SLC25A24: variants seen among roughly 807,000 people sequenced by gnomAD.
The protein encoded by SLC25A24 is solute carrier family 25 member 24.
In SLC25A24, 49 loss-of-function variants were observed where a neutral mutation model predicts 60.7. The ratio of observed to expected loss-of-function variants is 0.81; its 90% CI spans 0.64 to 1.02. The LOEUF (loss-of-function observed/expected upper bound fraction) is 1.02, where lower values mean the gene tolerates loss of function less well. Among genes scored for constraint, SLC25A24 ranks in the 50% least tolerant of loss-of-function variants. The pLI, the probability that SLC25A24 is intolerant of heterozygous loss-of-function variation, is 0.00. For synonymous variants in SLC25A24, 202 were observed against 200.6 expected (o/e 1.01, Z -0.06); for missense variants, 564 against 586.3 (o/e 0.96, Z 0.39).
rs757904663 is a variant in SLC25A24, at chr1:108,143,569, C to T, written c.1072G>A (p.Ala358Thr). The T allele has an allele frequency of 9.9e-6, 16 of 1,612,978 alleles. No individual in the cohort carries two copies. The highest frequency in any genetic ancestry group is 1.3e-5 in the Non-Finnish European group (15 of 1,179,624). ...TCATACACAGCAAGATCTATGCCTGCATAAGGTATGATACCTAATAAATTG... is the reference window on the plus strand; with the variant it reads ...TCATACACAGCAAGATCTATGCCTGTATAAGGTATGATACCTAATAAATTG... ...VPNLLGIIPYAGIDLAVYELL... is the reference protein window; with the variant it reads ...VPNLLGIIPYTGIDLAVYELL... Residue 358 changes from alanine to threonine, a missense_variant, in exon 8 of 10, where the codon GCA (alanine) becomes ACA (threonine). Transcript: ENST00000565488.
chr1:108,188,234 A>G (rs868713882), intron 1 of SLC25A24, among the ~76,000 whole-genome samples: 1 of 151,952 alleles, frequency 6.6e-6, no homozygotes, highest in Non-Finnish European at 1.5e-5. Flanking sequence ...AAGAACGGGG[A>G]GGGAATGGAC....
At chr1:108,165,558 T>G (rs1680225262) in intron 3 of SLC25A24, among the ~76,000 whole-genome samples, 1 of 152,214 alleles carries the variant, frequency 6.6e-6, no homozygotes, top group South Asian at 2.1e-4. Context: ...TGGCCTTCTT[T>G]GTCTCTTCTG....
intron 5 of SLC25A24, among the ~76,000 whole-genome samples, chr1:108,156,802 C>A (rs981602560): frequency 2.0e-5 from 3 of 152,110 alleles, no homozygotes. Context: ...GCATGAGAAC[C>A]AGGAGCACTG....
chr1:108,143,656 C>CAT lies in SLC25A24; in HGVS notation c.983_984dup (p.Asp329MetfsTer8). On this transcript the variant is annotated frameshift_variant, in exon 8 of 10. Transcript: ENST00000565488. LOFTEE classifies it high-confidence loss of function. Reference sequence around the variant, plus strand: ...TGTTTCAAAATCTTCTTGGCACAATCATATATTCCAGAGTACTGCCCAGTT... The same window carrying CAT: ...TGTTTCAAAATCTTCTTGGCACAATCATATATATTCCAGAGTACTGCCCAGTT... 6.2e-7 allele frequency: 1 copy of CAT among 1,613,836 alleles called. No individual in the cohort carries two copies. Among genetic ancestry groups the CAT allele is most frequent in the Non-Finnish European group, 8.5e-7 (1 of 1,179,806 alleles).
intron 7 of SLC25A24, among the ~76,000 whole-genome samples, chr1:108,144,988 T>C (rs566092335): frequency 6.6e-6 from 1 of 152,320 alleles, no homozygotes; most frequent in South Asian, 2.1e-4. Context: ...TGGTTCTAGA[T>C]CCTTGAGGAA....
chr1:108,193,196 A>T lies in SLC25A24; in HGVS notation c.183+6760T>A, dbSNP rs1017895688. On this transcript the variant is annotated intron_variant, in intron 1 of 9. Coordinates refer to ENST00000565488, the MANE Select transcript of SLC25A24 (RefSeq NM_013386.5). ...TGATTTTTTAAAATAAAATAATTTT[A>T]TTGTAGATTCAGGGGTTACACCATC... is the stretch of plus-strand genomic sequence containing the variant. Among the ~76,000 whole-genome samples the T allele has an allele frequency of 1.4e-5, 2 of 139,260 alleles. 1 individual carries two copies. The highest frequency in any genetic ancestry group is 5.5e-4 in the South Asian group (2 of 3,664). The allele number at this position is 139,260 out of a possible 152,430, so 91.4% of individuals were successfully genotyped here.
At chr1:108,169,224 T>C (rs1647357032) in intron 3 of SLC25A24, among the ~76,000 whole-genome samples, 1 of 152,206 alleles carries the variant, frequency 6.6e-6, no homozygotes, top group Admixed American at 6.5e-5. Flanking sequence ...ATAACAACCC[T>C]TGGTATCTGA....
In SLC25A24 at chr1:108,182,982, T is replaced by G. The variant is rs138609187; in HGVS notation, c.311-954A>C. 2.0e-5 allele frequency among the ~76,000 whole-genome samples: 3 copies of G among 151,900 alleles called. No homozygotes were observed. The South Asian group carries it at 6.2e-4, about 32-fold the overall frequency. Reference sequence around the variant, plus strand: ...ACAATCAGAAGACAGGAAGAGAAAATAGAAAATAAAATAGAAGCAATAAAT... The same window carrying G: ...ACAATCAGAAGACAGGAAGAGAAAAGAGAAAATAAAATAGAAGCAATAAAT... On this transcript the variant is annotated intron_variant, in intron 2 of 9. Coordinates refer to ENST00000565488, the MANE Select transcript of SLC25A24 (RefSeq NM_013386.5).
intron 5 of SLC25A24, among the ~76,000 whole-genome samples, chr1:108,155,635 T>C (rs1272844059): frequency 2.0e-5 from 3 of 152,078 alleles, no homozygotes; most frequent in Non-Finnish European, 4.4e-5. Context: ...GGGTCTGAAA[T>C]GGTTTGGATA....
chr1:108,187,922 T>TTATATATATATA (rs1470627510), intron 1 of SLC25A24, among the ~76,000 whole-genome samples: 1,255 of 51,032 alleles, frequency 0.025, 52 homozygotes, highest in African/African-American at 0.039. Flanking sequence ...GGATAAGACA[T>TTATATATATATA]TATAGATATA....
At chr1:108,168,692 G>A (rs185984329) in intron 3 of SLC25A24, among the ~76,000 whole-genome samples, 163 of 152,204 alleles carry the variant, frequency 1.1e-3, no homozygotes, top group Non-Finnish European at 1.8e-3. Flanking sequence ...TTTTCTAACC[G>A]GTTGTATGTC....
chr1:108,162,774 G>T (rs1038437577), intron 3 of SLC25A24, among the ~76,000 whole-genome samples: 149 of 151,774 alleles, frequency 9.8e-4, no homozygotes, highest in African/African-American at 3.4e-3. Flanking sequence ...AGTTTCTTTT[G>T]CTGTGCAGAA....
chr1:108,139,317 G>A, intron 8 of SLC25A24, 109 bp from the exon 9 acceptor site: 10 of 1,174,556 alleles, frequency 8.5e-6, no homozygotes, highest in Non-Finnish European at 1.2e-5. Context: ...GCAGGATGAG[G>A]CCACGCATTT....
At chr1:108,138,230 A>C (rs1327583790) in intron 9 of SLC25A24, among the ~76,000 whole-genome samples, 1 of 152,170 alleles carries the variant, frequency 6.6e-6, no homozygotes, top group Admixed American at 6.5e-5. Context: ...CTCTACCCCT[A>C]GCATCTGGCA....
At chr1:108,147,079 C>T (rs1273894814) in intron 7 of SLC25A24, among the ~76,000 whole-genome samples, 1 of 152,084 alleles carries the variant, frequency 6.6e-6, no homozygotes, top group Non-Finnish European at 1.5e-5. Flanking sequence ...TTAATTACTG[C>T]CTCAATTTCA....
chr1:108,152,300 C>T (rs1679777330), intron 6 of SLC25A24, among the ~76,000 whole-genome samples: 1 of 152,146 alleles, frequency 6.6e-6, no homozygotes, highest in Admixed American at 6.6e-5. Context: ...GTGATGCCTT[C>T]TTGTGCCTAC....
At chr1:108,194,897 C>T (rs1240473589) in intron 1 of SLC25A24, among the ~76,000 whole-genome samples, 1 of 152,206 alleles carries the variant, frequency 6.6e-6, no homozygotes, top group Non-Finnish European at 1.5e-5. Context: ...CCCAAGGCCA[C>T]AGTCTAGCAA....
intron 3 of SLC25A24, among the ~76,000 whole-genome samples, chr1:108,163,604 G>A (rs545437912): frequency 6.6e-6 from 1 of 151,988 alleles, no homozygotes; most frequent in Non-Finnish European, 1.5e-5. Context: ...TCTGTTGCTG[G>A]TGTATAAGAA....
chr1:108,145,157 T>C (rs1380099778), intron 7 of SLC25A24, among the ~76,000 whole-genome samples: 1 of 152,232 alleles, frequency 6.6e-6, no homozygotes, highest in Non-Finnish European at 1.5e-5. Flanking sequence ...GATTTGCATT[T>C]CTCTAACAAC....
Sources: allele counts gnomAD v4.1 joint callset (sites outside exome capture counted in the v4.1 genomes callset), GRCh38; gene constraint gnomAD v4.1.1; transcripts MANE v1.5; gene names NCBI Gene and HGNC (gene_info 2026-07-23, HGNC 2026-07-21).